Variants in EXOC4 observed in about 807,000 individuals in gnomAD.
The protein encoded by EXOC4 is exocyst complex component 4.
Under a neutral mutation model 107.2 loss-of-function variants are expected in EXOC4, and 71 were observed. The ratio of observed to expected loss-of-function variants is 0.66; its 90% CI spans 0.55 to 0.81. The LOEUF (loss-of-function observed/expected upper bound fraction) is 0.81, where lower values mean the gene tolerates loss of function less well. Among genes scored for constraint, EXOC4 ranks in the 30% least tolerant of loss-of-function variants. The pLI, the probability that EXOC4 is intolerant of heterozygous loss-of-function variation, is 0.00. For missense variants in EXOC4, 1,108 were observed against 1,189.6 expected, an observed-to-expected ratio of 0.93 and a Z score of 1.01; for synonymous variants, 456 against 441.2, an observed-to-expected ratio of 1.03 and a Z score of -0.42.
At chr7:134,099,253 G>A in the EXOC4 span, among the ~76,000 whole-genome samples, 2 of 152,152 alleles carry the variant, frequency 1.3e-5, no homozygotes, top group South Asian at 2.1e-4. Flanking sequence ...TGGCACTTTG[G>A]CATTTGAGAA....
chr7:133,591,285 G>C (rs960210774), intron 9 of EXOC4, among the ~76,000 whole-genome samples: 1 of 152,076 alleles, frequency 6.6e-6, no homozygotes, highest in Non-Finnish European at 1.5e-5. Context: ...TCCCACTTCA[G>C]CCTCCCAAAG....
chr7:133,404,675 G>A (rs1347597188), intron 7 of EXOC4, among the ~76,000 whole-genome samples: 2 of 151,962 alleles, frequency 1.3e-5, no homozygotes, highest in Admixed American at 1.3e-4. Flanking sequence ...ACTCTGACCT[G>A]TGCACAGCTG....
chr7:133,621,718 T>A (rs1802334489), intron 9 of EXOC4, among the ~76,000 whole-genome samples: 1 of 152,228 alleles, frequency 6.6e-6, no homozygotes, highest in South Asian at 2.1e-4. Flanking sequence ...CCTTGGAATT[T>A]CCCTTATTTC....
chr7:133,855,104 A>AAT (rs1201440271), intron 11 of EXOC4, among the ~76,000 whole-genome samples: 1,428 of 61,716 alleles, frequency 0.023, 96 homozygotes, highest in African/African-American at 0.078. Context: ...TATATATATA[A>AAT]ATATATATAA....
intron 5 of EXOC4, among the ~76,000 whole-genome samples, chr7:133,337,224 A>G (rs1372919321): frequency 6.6e-6 from 1 of 152,152 alleles, no homozygotes; most frequent in East Asian, 1.9e-4. Context: ...TATGAATGAT[A>G]TTGTGTAGTC....
intron 10 of EXOC4, among the ~76,000 whole-genome samples, chr7:133,681,582 A>G (rs568715592): frequency 6.6e-6 from 1 of 152,292 alleles, no homozygotes; most frequent in South Asian, 2.1e-4. Context: ...AGTTTAGAGA[A>G]AACTTTTTGA....
chr7:133,999,160 G>C (rs1239372282), intron 15 of EXOC4, among the ~76,000 whole-genome samples: 1 of 152,142 alleles, frequency 6.6e-6, no homozygotes, highest in Non-Finnish European at 1.5e-5. Context: ...ATTCTATTCT[G>C]TATTGCTTTG....
intron 17 of EXOC4, among the ~76,000 whole-genome samples, chr7:134,025,227 T>G (rs1795114447): frequency 6.6e-6 from 1 of 152,200 alleles, no homozygotes; most frequent in South Asian, 2.1e-4. Context: ...GAGTCTTACA[T>G]TATTATTATT....
chr7:133,566,860 A>G (rs143340988), intron 9 of EXOC4, among the ~76,000 whole-genome samples: 123 of 152,330 alleles, frequency 8.1e-4, no homozygotes, highest in African/African-American at 2.7e-3. Flanking sequence ...TTGTATCAGA[A>G]GATTATGTTC....
chr7:133,995,866 T>A (rs887447839), intron 14 of EXOC4, among the ~76,000 whole-genome samples: 5 of 152,168 alleles, frequency 3.3e-5, no homozygotes, highest in Non-Finnish European at 5.9e-5. Context: ...AGGTCATAAG[T>A]GTAGACACTA....
In EXOC4 at chr7:133,499,285, C is replaced by T. The variant is rs191739692; in HGVS notation, c.1417+19147C>T. ...CAGTCAGGGACCAAGTCAGTATATA[C>T]CAATCACTGGTATAGTAAGCACCTA... On this transcript the variant is annotated intron_variant, in intron 9 of 17. Transcript: ENST00000253861. 2.4e-3 allele frequency among the ~76,000 whole-genome samples: 372 copies of T among 152,106 alleles called. 1 individual carries two copies. The highest frequency in any genetic ancestry group is 6.8e-3 in the Middle Eastern group (2 of 294).
At chr7:133,722,763 C>G (rs1181418000) in intron 10 of EXOC4, among the ~76,000 whole-genome samples, 1 of 152,194 alleles carries the variant, frequency 6.6e-6, no homozygotes, top group Non-Finnish European at 1.5e-5. Flanking sequence ...TATAATATCA[C>G]TACTCCAAAC....
intron 12 of EXOC4, among the ~76,000 whole-genome samples, chr7:133,908,972 C>A (rs550346345): frequency 6.6e-6 from 1 of 152,092 alleles, no homozygotes; most frequent in Non-Finnish European, 1.5e-5. Context: ...TTTCTCCTAA[C>A]GCTCTCCCTC....
intron 14 of EXOC4, among the ~76,000 whole-genome samples, chr7:133,992,955 T>C (rs1794297699): frequency 6.6e-6 from 1 of 151,906 alleles, no homozygotes; most frequent in Non-Finnish European, 1.5e-5. Flanking sequence ...GTTTTGATCA[T>C]GAAGGGATAT....
intron 8 of EXOC4, among the ~76,000 whole-genome samples, chr7:133,478,323 A>G (rs900745802): frequency 3.3e-5 from 5 of 152,080 alleles, no homozygotes; most frequent in African/African-American, 1.2e-4. Context: ...AAAAAAAAAA[A>G]AAGAAATTGT....
At chr7:133,476,550 A>G (rs779565876) in intron 8 of EXOC4, among the ~76,000 whole-genome samples, 23 of 152,210 alleles carry the variant, frequency 1.5e-4, no homozygotes, top group Admixed American at 2.6e-4. Flanking sequence ...TTTATCTTAG[A>G]TTTTTAGTGT....
intron 10 of EXOC4, among the ~76,000 whole-genome samples, chr7:133,813,148 G>C (rs1797276428): frequency 6.6e-6 from 1 of 152,068 alleles, no homozygotes; most frequent in Admixed American, 6.6e-5. Context: ...AAAATGATTT[G>C]AATTTGAAAG....
chr7:133,284,830 C>T (rs530038537), intron 2 of EXOC4, among the ~76,000 whole-genome samples: 5 of 152,218 alleles, frequency 3.3e-5, no homozygotes, highest in Non-Finnish European at 5.9e-5. Context: ...CCACCGTGCC[C>T]GGCCTGAGAG....
intron 7 of EXOC4, among the ~76,000 whole-genome samples, chr7:133,472,114 C>T (rs767914259): frequency 1.3e-5 from 2 of 152,188 alleles, no homozygotes; most frequent in East Asian, 1.9e-4. Context: ...GTTGGGTTTA[C>T]GTTTGAGAGA....
Sources: allele counts gnomAD v4.1 joint callset (sites outside exome capture counted in the v4.1 genomes callset), GRCh38; gene constraint gnomAD v4.1.1; transcripts MANE v1.5; gene names NCBI Gene and HGNC (gene_info 2026-07-23, HGNC 2026-07-21).